The following RBFOX2 variants were observed in gnomAD, a reference collection of about 807,000 sequenced individuals.
The protein encoded by RBFOX2 is RNA binding protein fox-1 homolog 2.
A neutral mutation model predicts 49.1 loss-of-function variants in RBFOX2; 10 were observed. The ratio of observed to expected loss-of-function variants is 0.20; its 90% CI spans 0.13 to 0.35. RBFOX2 has a LOEUF of 0.35. RBFOX2 is among the 10% of genes least tolerant of loss of function. RBFOX2 has a pLI of 1.00. For missense variants in RBFOX2, 323 were observed against 486.9 expected, an observed-to-expected ratio of 0.66 and a Z score of 3.17; for synonymous variants, 183 against 187.4, an observed-to-expected ratio of 0.98 and a Z score of 0.19.
At chr22:35,916,482 A>G (rs995533158) in intron 1 of RBFOX2, among the ~76,000 whole-genome samples, 3 of 152,182 alleles carry the variant, frequency 2.0e-5, no homozygotes, top group African/African-American at 7.2e-5. Flanking sequence ...GGGTTTCGCC[A>G]TGTTGTCCAT....
chr22:35,834,073 T>C (rs1378205372), intron 1 of RBFOX2, among the ~76,000 whole-genome samples: 2 of 152,208 alleles, frequency 1.3e-5, no homozygotes, highest in African/African-American at 2.4e-5. Context: ...AATTAATTTA[T>C]TCACACATTC....
chr22:35,771,264 T>C (rs775527643), intron 4 of RBFOX2, among the ~76,000 whole-genome samples: 4 of 152,188 alleles, frequency 2.6e-5, no homozygotes, highest in Non-Finnish European at 4.4e-5. Context: ...CACTGTACTG[T>C]GCTTATAAGT....
chr22:36,016,524 A>G (rs1346924045), intron 1 of RBFOX2, among the ~76,000 whole-genome samples: 1 of 152,226 alleles, frequency 6.6e-6, no homozygotes, highest in Non-Finnish European at 1.5e-5. Flanking sequence ...ACATGCCTGG[A>G]ATAAAATATC....
upstream of RBFOX2, among the ~76,000 whole-genome samples, chr22:35,841,786 A>G (rs975447230): frequency 6.6e-6 from 1 of 152,228 alleles, no homozygotes; most frequent in Non-Finnish European, 1.5e-5. Context: ...CCATTTAAAA[A>G]ATAAACATCT....
At chr22:35,856,925 G>C (rs187719012) in intron 1 of RBFOX2, among the ~76,000 whole-genome samples, 1 of 152,088 alleles carries the variant, frequency 6.6e-6, no homozygotes, top group Non-Finnish European at 1.5e-5. Flanking sequence ...CCAACTACTC[G>C]GGAGGTTGAG....
chr22:35,897,574 A>G (rs2048014997), intron 1 of RBFOX2: 1 of 934,744 alleles, frequency 1.1e-6, no homozygotes, highest in Admixed American at 1.7e-5. Context: ...GATGTACTTC[A>G]CCAGGTCAAA....
At chr22:35,849,399 C>T (rs376204274) in intron 1 of RBFOX2, among the ~76,000 whole-genome samples, 4 of 151,740 alleles carry the variant, frequency 2.6e-5, no homozygotes, top group South Asian at 2.1e-4. Flanking sequence ...TTTGTCTGGC[C>T]GCCAATACTA....
chr22:35,802,741 G>T (rs1950007104), intron 2 of RBFOX2, among the ~76,000 whole-genome samples: 1 of 152,144 alleles, frequency 6.6e-6, no homozygotes, highest in Non-Finnish European at 1.5e-5. Flanking sequence ...TGGAAGACCA[G>T]CTAGAAATCT....
At chr22:35,805,950 G>A (rs1474335614) in intron 2 of RBFOX2, among the ~76,000 whole-genome samples, 1 of 152,216 alleles carries the variant, frequency 6.6e-6, no homozygotes, top group African/African-American at 2.4e-5. Context: ...ATAGTTAAAA[G>A]ATCAGTGGTT....
chr22:35,927,245 G>T (rs910689830), intron 1 of RBFOX2, among the ~76,000 whole-genome samples: 1 of 152,168 alleles, frequency 6.6e-6, no homozygotes, highest in Non-Finnish European at 1.5e-5. Flanking sequence ...CATTTCAAAC[G>T]AAAGGCATTA....
chr22:35,834,855 T>G (rs1017684155), intron 1 of RBFOX2, among the ~76,000 whole-genome samples: 1 of 152,150 alleles, frequency 6.6e-6, no homozygotes, highest in Non-Finnish European at 1.5e-5. Flanking sequence ...GGGGAGCAAC[T>G]GTAAGGTATA....
chr22:35,768,384 C>A (rs1380648269), intron 4 of RBFOX2, 35 bp from the exon 6 acceptor site: 3 of 1,541,102 alleles, frequency 1.9e-6, no homozygotes, highest in East Asian at 4.5e-5. Flanking sequence ...AAAACATGCA[C>A]ATCGTTATAT....
At chr22:35,776,772 A>C (rs1026915001) in intron 4 of RBFOX2, among the ~76,000 whole-genome samples, 7 of 152,220 alleles carry the variant, frequency 4.6e-5, no homozygotes, top group Admixed American at 3.3e-4. Flanking sequence ...CAGCAAGGTA[A>C]ATATTTATAG....
intron 1 of RBFOX2, among the ~76,000 whole-genome samples, chr22:35,986,959 T>C (rs971186454): frequency 1.0e-4 from 15 of 145,080 alleles, no homozygotes; most frequent in Admixed American, 2.8e-4. Flanking sequence ...AAAGATCTCT[T>C]TTTTTTTTTT....
chr22:35,862,374 T>TG (rs1209859548), intron 1 of RBFOX2, among the ~76,000 whole-genome samples: 3 of 133,290 alleles, frequency 2.3e-5, no homozygotes, highest in African/African-American at 5.6e-5. Context: ...TTATTTTCTT[T>TG]GGAGGGGGGG....
At chr22:35,775,107 G>A (rs572132564) in intron 4 of RBFOX2, among the ~76,000 whole-genome samples, 2 of 152,058 alleles carry the variant, frequency 1.3e-5, no homozygotes, top group Admixed American at 6.6e-5. Context: ...ACATATAAAA[G>A]GATTAAGAAA....
chr22:35,785,133 C>T (rs991076195), intron 2 of RBFOX2, among the ~76,000 whole-genome samples: 2 of 152,124 alleles, frequency 1.3e-5, no homozygotes, highest in African/African-American at 4.8e-5. Context: ...GAATGGCTGG[C>T]ACTACAGGTA....
exon 2 of RBFOX2, chr22:35,809,973 G>C (rs529586238): frequency 2.5e-6 from 4 of 1,614,128 alleles, no homozygotes; most frequent in South Asian, 2.2e-5. Flanking sequence ...CTGAACCATT[G>C]CGTCAGGAGT....
rs556269497 is a variant in RBFOX2, at chr22:35,932,152, C to T, written c.-34+6695G>A. Among the ~76,000 whole-genome samples the T allele has an allele frequency of 9.2e-5, 14 of 151,944 alleles. No homozygotes were observed. In the South Asian group the frequency reaches 2.1e-3, roughly 23 times the overall value. On this transcript the variant is annotated intron_variant, in intron 1 of 13. Coordinates refer to the RBFOX2 transcript ENST00000359369. ...TGTCCTCCATTCCACCAACTATCCC[C>T]GAGGGAAGAAAAGTAGTCATCATTT...
Sources: allele counts gnomAD v4.1 joint callset (sites outside exome capture counted in the v4.1 genomes callset), GRCh38; gene constraint gnomAD v4.1.1; transcripts MANE v1.5; gene names NCBI Gene and HGNC (gene_info 2026-07-23, HGNC 2026-07-21).